Variants in FNDC3B observed in about 807,000 individuals in gnomAD.
FNDC3B encodes the protein fibronectin type III domain containing 3B.
FNDC3B carries 12 observed loss-of-function variants against 151.5 expected under a neutral mutation model. The ratio of observed to expected loss-of-function variants is 0.08; its 90% CI spans 0.05 to 0.13. The LOEUF (loss-of-function observed/expected upper bound fraction) is 0.13, where lower values mean the gene tolerates loss of function less well. Ranked by LOEUF, FNDC3B falls within the 10% of genes least tolerant of loss-of-function variation. The pLI is 1.00. For missense variants in FNDC3B, 1,214 were observed against 1,505.3 expected, an observed-to-expected ratio of 0.81 and a Z score of 3.20; for synonymous variants, 528 against 549.0, an observed-to-expected ratio of 0.96 and a Z score of 0.54.
At chr3:172,220,674 T>C (rs1726235828) in intron 3 of FNDC3B, among the ~76,000 whole-genome samples, 1 of 152,202 alleles carries the variant, frequency 6.6e-6, no homozygotes, top group Non-Finnish European at 1.5e-5. Flanking sequence ...CCATTTTGAG[T>C]TGATTTTTGT....
rs746214186 is a variant in FNDC3B at position 172,330,616 on chromosome 3, A to C, written c.1455A>C (p.Arg485=). The C allele has an allele frequency of 7.4e-6, 12 of 1,614,090 alleles. No individual in the cohort carries two copies. The highest frequency in any genetic ancestry group is 1.0e-5 in the Non-Finnish European group (12 of 1,180,016). Residue 485 remains arginine (R), a synonymous_variant, in exon 13 of 26, where the codon CGA becomes CGC. Coordinates refer to ENST00000415807, the MANE Select transcript of FNDC3B (RefSeq NM_022763.4). ...PQMPSAPRLV[R]AGITWVTLQW... is the part of the protein sequence containing the mutation. ...TGCCTTCTGCACCAAGGCTGGTTCG[A>C]GCTGGCATCACATGGGTCACGTTGC... is the stretch of plus-strand genomic sequence containing the variant.
intron 2 of FNDC3B, among the ~76,000 whole-genome samples, chr3:172,124,838 A>G (rs1008767895): frequency 1.3e-5 from 2 of 152,138 alleles, no homozygotes; most frequent in African/African-American, 2.4e-5. Context: ...ACTATTGGGG[A>G]GGGCTTACGA....
rs555242809 is a variant in FNDC3B, at chr3:172,316,000, CTTTTTTTTTTT to C, written c.1254+5133_1254+5143del. Among the ~76,000 whole-genome samples, 9 of 79,932 alleles carry C rather than the reference CTTTTTTTTTTT, an allele frequency of 1.1e-4. No individual in the cohort carries two copies. In the East Asian group the frequency reaches 2.5e-3, roughly 22 times the overall value. 52.4% of individuals were successfully genotyped at this position (79,932 alleles called of 152,430 possible). A position where few individuals can be genotyped will look rare whatever the true frequency, so the allele number is the denominator to read the frequency against. On this transcript the variant is annotated intron_variant, in intron 11 of 25. Coordinates refer to ENST00000415807, the MANE Select transcript of FNDC3B (RefSeq NM_022763.4). ...TCTCTTTTCCTTCTTCTTTCTTCTT[CTTTTTTTTTTT>C]TTTTTTTTTTTTTGAGATGGAGTTT... is the stretch of plus-strand genomic sequence containing the variant.
At chr3:172,194,840 AATACCATGGTGAAT>A (rs1400089868) in intron 3 of FNDC3B, among the ~76,000 whole-genome samples, 1 of 152,188 alleles carries the variant, frequency 6.6e-6, no homozygotes, top group Non-Finnish European at 1.5e-5. Context: ...ACCTAATTCT[AATACCATGGTGAAT>A]GGTTACTGTG....
intron 3 of FNDC3B, among the ~76,000 whole-genome samples, chr3:172,176,304 C>T (rs1051232888): frequency 3.3e-5 from 5 of 152,078 alleles, no homozygotes; most frequent in East Asian, 1.9e-4. Context: ...CTAAGAGAGA[C>T]GAGTATAGTA....
intron 25 of FNDC3B, among the ~76,000 whole-genome samples, chr3:172,390,988 CCGGTGTCACA>C (rs1417797942): frequency 1.1e-4 from 16 of 152,028 alleles, no homozygotes; most frequent in Non-Finnish European, 2.2e-4. Flanking sequence ...AAACCTGGAC[CCGGTGTCACA>C]CTGTAGTCAT....
At chr3:172,294,423 C>T (rs561873345) in intron 7 of FNDC3B, among the ~76,000 whole-genome samples, 31 of 152,220 alleles carry the variant, frequency 2.0e-4, no homozygotes, top group Admixed American at 1.4e-3. Context: ...TTACGTTGCC[C>T]GAGAAGGAGG....
chr3:172,247,190 G>A (rs62281808), intron 4 of FNDC3B, among the ~76,000 whole-genome samples: 22,403 of 152,170 alleles, frequency 0.15, 1,786 homozygotes, highest in African/African-American at 0.21. Context: ...GTCACTCCTA[G>A]AATCAGTTTC....
intron 3 of FNDC3B, among the ~76,000 whole-genome samples, chr3:172,205,009 A>G (rs1725350982): frequency 6.6e-6 from 1 of 152,228 alleles, no homozygotes; most frequent in African/African-American, 2.4e-5. Flanking sequence ...CGGGAAGGAC[A>G]GAATGCTTTT....
intron 3 of FNDC3B, among the ~76,000 whole-genome samples, chr3:172,133,967 C>T (rs1721236921): frequency 6.6e-6 from 1 of 152,068 alleles, no homozygotes; most frequent in African/African-American, 2.4e-5. Context: ...TAGGTCCAGC[C>T]CAGACTCAAG....
chr3:172,397,580 CTG>C lies in FNDC3B; in HGVS notation c.*107_*108del. 2.9e-6 allele frequency: 2 copies of C among 681,882 alleles called. No homozygotes were observed. The highest frequency in any genetic ancestry group is 3.1e-5 in the East Asian group (1 of 32,740). 42.2% of individuals were successfully genotyped at this position (681,882 alleles called of 1,614,324 possible). The stretch of plus-strand genomic sequence containing the variant: ...CCTTTTGTTTTTTGATTTATATACT[CTG>C]TTTTACAGATTTAGCTAGAAAAAAA... On this transcript the variant is annotated 3_prime_UTR_variant, in exon 26 of 26. Coordinates refer to ENST00000415807, the MANE Select transcript of FNDC3B (RefSeq NM_022763.4).
At chr3:172,226,822 G>T in intron 3 of FNDC3B, 49 bp from the exon 4 acceptor site, 1 of 1,120,112 alleles carries the variant, frequency 8.9e-7, no homozygotes, top group South Asian at 1.2e-5. Context: ...TAATTATTTT[G>T]AATAATGTAT....
At chr3:172,187,207 T>A (rs1188006605) in intron 3 of FNDC3B, 1 of 153,738 alleles carries the variant, frequency 6.5e-6, no homozygotes, top group African/African-American at 2.4e-5. Flanking sequence ...AACCTCATTT[T>A]AAAAAATCAA....
At chr3:172,285,045 C>T (rs1192163392) in intron 6 of FNDC3B, among the ~76,000 whole-genome samples, 2 of 151,852 alleles carry the variant, frequency 1.3e-5, no homozygotes, top group Non-Finnish European at 2.9e-5. Context: ...CTTCTCCAAG[C>T]ACTATTCTTT....
At chr3:172,283,624 G>A (rs1471404621) in intron 6 of FNDC3B, among the ~76,000 whole-genome samples, 2 of 152,178 alleles carry the variant, frequency 1.3e-5, no homozygotes, top group Non-Finnish European at 2.9e-5. Flanking sequence ...CTATGTGAGT[G>A]TTTGAAACCA....
At chr3:172,133,365 A>G (rs775994206) in intron 2 of FNDC3B, 106 bp from the exon 3 acceptor site, 7 of 869,060 alleles carry the variant, frequency 8.1e-6, no homozygotes, top group Admixed American at 2.4e-5. Context: ...TTTATAAAAG[A>G]TTTTATGCCA....
At chr3:172,388,882 C>T (rs919988417) in intron 25 of FNDC3B, among the ~76,000 whole-genome samples, 4 of 152,142 alleles carry the variant, frequency 2.6e-5, no homozygotes, top group Non-Finnish European at 5.9e-5. Context: ...ATCATGTTGA[C>T]ATTTCTTAGA....
At chr3:172,226,443 C>T (rs1726586241) in intron 3 of FNDC3B, among the ~76,000 whole-genome samples, 1 of 151,908 alleles carries the variant, frequency 6.6e-6, no homozygotes, top group Non-Finnish European at 1.5e-5. Context: ...ATCATAAATG[C>T]AAAGTCTATA....
At position 172,304,896 on chromosome 3, in the gene FNDC3B, G is replaced by GAA. The variant is rs1243755769; in HGVS notation, c.1062-2451_1062-2450dup. Among the ~76,000 whole-genome samples, 187 of 85,568 alleles carry GAA rather than the reference G, an allele frequency of 2.2e-3. No individual in the cohort carries two copies. In the Middle Eastern group the frequency reaches 0.033, roughly 15 times the overall value. The allele number at this position is 85,568 out of a possible 152,430, so 56.1% of individuals were successfully genotyped here. ...TAGGCGACAGAGCGAGACTTCATCT[G>GAA]AAAAAAAAAAAAAAAAAGCCAAGTG... On this transcript the variant is annotated intron_variant, in intron 9 of 25. Transcript: ENST00000415807.
Sources: allele counts gnomAD v4.1 joint callset (sites outside exome capture counted in the v4.1 genomes callset), GRCh38; gene constraint gnomAD v4.1.1; transcripts MANE v1.5; gene names NCBI Gene and HGNC (gene_info 2026-07-23, HGNC 2026-07-21).